The following PTBP2 variants were observed in gnomAD, a reference collection of about 807,000 sequenced individuals.
PTBP2 encodes polypyrimidine tract binding protein 2, also known as polypyrimidine tract-binding protein 2.
PTBP2 carries 13 observed loss-of-function variants against 61.4 expected under a neutral mutation model. The ratio of observed to expected loss-of-function variants is 0.21; its 90% CI spans 0.14 to 0.34. PTBP2 has a LOEUF of 0.34. PTBP2 is among the 10% of genes least tolerant of loss of function. The pLI is 1.00. For missense variants in PTBP2, 405 were observed against 642.6 expected, an observed-to-expected ratio of 0.63 and a Z score of 4.00; for synonymous variants, 215 against 218.5, an observed-to-expected ratio of 0.98 and a Z score of 0.14.
At chr1:96,796,983 T>A (rs1660460206) in intron 8 of PTBP2, among the ~76,000 whole-genome samples, 1 of 152,196 alleles carries the variant, frequency 6.6e-6, no homozygotes, top group African/African-American at 2.4e-5. Context: ...GCAAAGTAGA[T>A]GTTTTTAAGA....
At chr1:96,779,440 A>G (rs1570919703) in intron 7 of PTBP2, among the ~76,000 whole-genome samples, 2 of 152,122 alleles carry the variant, frequency 1.3e-5, no homozygotes, top group Non-Finnish European at 2.9e-5. Flanking sequence ...TGTTTGAGCT[A>G]TAATTCTTAA....
chr1:96,745,768 T>G (rs1653670238), intron 2 of PTBP2, among the ~76,000 whole-genome samples: 1 of 152,032 alleles, frequency 6.6e-6, no homozygotes, highest in African/African-American at 2.4e-5. Context: ...ATTTGAATAT[T>G]TAAAGATTTT....
chr1:96,727,759 G>A (rs1650787757), intron 2 of PTBP2, among the ~76,000 whole-genome samples: 1 of 152,066 alleles, frequency 6.6e-6, no homozygotes, highest in South Asian at 2.1e-4. Flanking sequence ...TGAGTTTTGA[G>A]AGGTCTTCAT....
At chr1:96,761,451 G>A (rs1014608187) in intron 3 of PTBP2, among the ~76,000 whole-genome samples, 2 of 151,222 alleles carry the variant, frequency 1.3e-5, no homozygotes, top group African/African-American at 4.9e-5. Context: ...TATTTCACAG[G>A]TAGGATCAGT....
At chr1:96,808,783 T>C (rs905467479) in intron 11 of PTBP2, among the ~76,000 whole-genome samples, 3 of 151,580 alleles carry the variant, frequency 2.0e-5, no homozygotes, top group Admixed American at 6.6e-5. Context: ...ACTGACACCA[T>C]CATTTCCTTT....
intron 2 of PTBP2, among the ~76,000 whole-genome samples, chr1:96,746,620 G>A (rs1653798884): frequency 6.6e-6 from 1 of 150,596 alleles, no homozygotes; most frequent in Admixed American, 6.6e-5. Flanking sequence ...AGGATTGCTT[G>A]TGGGGCCCAG....
intron 7 of PTBP2, among the ~76,000 whole-genome samples, chr1:96,782,413 T>G (rs547944684): frequency 6.6e-6 from 1 of 152,154 alleles, no homozygotes; most frequent in South Asian, 2.1e-4. Context: ...TTGAGAGACC[T>G]AATGGAATTA....
At chr1:96,763,979 C>T (rs1656362478) in intron 3 of PTBP2, among the ~76,000 whole-genome samples, 1 of 152,108 alleles carries the variant, frequency 6.6e-6, no homozygotes, top group Admixed American at 6.5e-5. Flanking sequence ...CGTTGGTAGA[C>T]AATGTTACAA....
intron 2 of PTBP2, among the ~76,000 whole-genome samples, chr1:96,731,970 T>C (rs527248140): frequency 2.0e-5 from 3 of 152,284 alleles, no homozygotes; most frequent in African/African-American, 7.2e-5. Context: ...TACGGTAAAA[T>C]GTTAACTTTT....
exon 14 of PTBP2, chr1:96,822,953 G>A (rs1351728250): frequency 1.3e-5 from 2 of 151,346 alleles, no homozygotes; most frequent in Non-Finnish European, 1.5e-5. Flanking sequence ...TATAAGACAA[G>A]ATTTATCTCT....
At chr1:96,762,438 C>T (rs1419993962) in intron 3 of PTBP2, among the ~76,000 whole-genome samples, 46 of 146,790 alleles carry the variant, frequency 3.1e-4, no homozygotes, top group Non-Finnish European at 5.4e-4. Flanking sequence ...GCTGGCCGGG[C>T]GGGGGGCTGA....
intron 2 of PTBP2, among the ~76,000 whole-genome samples, chr1:96,728,005 T>G (rs1650828582): frequency 6.6e-6 from 1 of 152,128 alleles, no homozygotes; most frequent in Non-Finnish European, 1.5e-5. Flanking sequence ...TAATTTTTTT[T>G]TAGAGACAGG....
intron 11 of PTBP2, 104 bp downstream of exon 11, chr1:96,807,062 A>T: frequency 1.3e-6 from 1 of 798,366 alleles, no homozygotes; most frequent in East Asian, 2.9e-5. Flanking sequence ...GTAAGAAATT[A>T]TTTTAATGGC....
At chr1:96,745,172 GC>G (rs958154991) in intron 2 of PTBP2, among the ~76,000 whole-genome samples, 3 of 134,562 alleles carry the variant, frequency 2.2e-5, no homozygotes, top group Non-Finnish European at 3.3e-5. Flanking sequence ...CAGCAATATT[GC>G]TTTTTTTTTT....
intron 2 of PTBP2, among the ~76,000 whole-genome samples, chr1:96,750,869 G>A (rs1015369766): frequency 6.6e-6 from 1 of 152,046 alleles, no homozygotes; most frequent in Non-Finnish European, 1.5e-5. Context: ...AACCTTTTCT[G>A]TAAAGAATTT....
chr1:96,747,644 A>G (rs1654015564), intron 2 of PTBP2, among the ~76,000 whole-genome samples: 1 of 152,126 alleles, frequency 6.6e-6, no homozygotes. Context: ...CAAAATGCAG[A>G]ATATGGTGGC....
At position 96,728,123 on chromosome 1, in the gene PTBP2, A is replaced by G. The variant is rs1461065859; in HGVS notation, c.39+4529A>G. Among the ~76,000 whole-genome samples the G allele has an allele frequency of 3.9e-5, 6 of 152,230 alleles. No individual in the cohort carries two copies. In the East Asian group the frequency reaches 1.2e-3, roughly 29 times the overall value. On this transcript the variant is annotated intron_variant, in intron 2 of 13. Transcript: ENST00000674951. ...TGCTTCAGCCTCCCAAGTAGCTAGGACTATAGGCACACAGCACCATGCCCA... is the reference window on the plus strand; with the variant it reads ...TGCTTCAGCCTCCCAAGTAGCTAGGGCTATAGGCACACAGCACCATGCCCA...
At chr1:96,762,637 A>C (rs1570840666) in intron 3 of PTBP2, among the ~76,000 whole-genome samples, 10 of 113,182 alleles carry the variant, frequency 8.8e-5, no homozygotes, top group Admixed American at 1.8e-4. Context: ...GGCGCCCCTC[A>C]CCTCCCGGAA....
At position 96,765,704 on chromosome 1, in the gene PTBP2, TGTC is replaced by T. The variant is rs1171886746; in HGVS notation, c.116-3998_116-3996del. The stretch of plus-strand genomic sequence containing the variant: ...CCAGCCTGGCAATACAGCAAGACTC[TGTC>T]TTAGATAGATAGATAGATAGATAGA... On this transcript the variant is annotated intron_variant, in intron 3 of 13. Transcript: ENST00000674951. Among the ~76,000 whole-genome samples, 22 of 116,022 alleles carry T rather than the reference TGTC, an allele frequency of 1.9e-4. No individual in the cohort carries two copies. In the East Asian group the frequency reaches 5.4e-3, roughly 28 times the overall value. The allele number at this position is 116,022 out of a possible 152,430, so 76.1% of individuals were successfully genotyped here.
Sources: gnomAD v4.1 joint callset for allele counts (sites outside exome capture counted in the v4.1 genomes callset) on GRCh38, gnomAD v4.1.1 for gene constraint, MANE v1.5 for transcripts, NCBI Gene and HGNC (gene_info 2026-07-23, HGNC 2026-07-21) for gene names.